Variants in TBC1D32 observed in about 807,000 individuals in gnomAD.
TBC1D32 encodes the protein TBC1 domain family member 32.
TBC1D32 carries 151 observed loss-of-function variants against 170.3 expected under a neutral mutation model. That is an observed-to-expected ratio of 0.89 (90% confidence interval 0.78 to 1.01). TBC1D32 has a LOEUF of 1.01. Ranked by LOEUF, TBC1D32 falls within the 50% of genes least tolerant of loss-of-function variation. The pLI is 0.00. For synonymous variants in TBC1D32, 498 were observed against 488.0 expected, an observed-to-expected ratio of 1.02 and a Z score of -0.27; for missense variants, 1,464 against 1,457.1, an observed-to-expected ratio of 1.00 and a Z score of -0.08.
At chr6:121,245,738 C>G (rs1440212817) in intron 17 of TBC1D32, among the ~76,000 whole-genome samples, 1 of 152,014 alleles carries the variant, frequency 6.6e-6, no homozygotes, top group Admixed American at 6.6e-5. Flanking sequence ...ACTCCCCTCC[C>G]CCCATCCCCA....
In TBC1D32 at chr6:121,242,326, C is replaced by A; in HGVS notation, c.2032G>T (p.Asp678Tyr). 1 of 1,611,878 alleles carries A rather than the reference C, an allele frequency of 6.2e-7. No homozygotes were observed. Among genetic ancestry groups the A allele is most frequent in the Non-Finnish European group, 8.5e-7 (1 of 1,179,166 alleles). The change falls in exon 18 of 32, where the codon GAT becomes TAT. Residue 678 changes from aspartate (D) to tyrosine (Y), a missense_variant. Around this residue, in one of 3 missense-constraint regions of TBC1D32, gnomAD observed 1,363 missense variants for 1,338.1 expected, o/e 1.02. Transcript: ENST00000398212. ...QESQNIMAWE[D>Y]NLLDDLLHFA... Reference sequence around the variant, plus strand: ...TGTAGTAAATCATCTAACAAATTATCTTCCCAAGCCATACTGAAATAGGTA... The same window carrying A: ...TGTAGTAAATCATCTAACAAATTATATTCCCAAGCCATACTGAAATAGGTA...
chr6:121,169,008 G>C (rs1262986144), intron 22 of TBC1D32, among the ~76,000 whole-genome samples: 1 of 152,084 alleles, frequency 6.6e-6, no homozygotes, highest in Admixed American at 6.6e-5. Flanking sequence ...GCAATTTATA[G>C]ATTCAATGCT....
intron 20 of TBC1D32, among the ~76,000 whole-genome samples, chr6:121,227,392 T>C (rs752844553): frequency 4.6e-5 from 7 of 152,156 alleles, no homozygotes; most frequent in Admixed American, 1.3e-4. Context: ...CATAATATAA[T>C]GTAAATAAAA....
chr6:121,256,850 T>C (rs1184973744), intron 15 of TBC1D32, among the ~76,000 whole-genome samples: 2 of 151,910 alleles, frequency 1.3e-5, no homozygotes, highest in African/African-American at 4.8e-5. Context: ...TTGTACTTTT[T>C]TAGTAGAGAT....
At chr6:121,162,719 G>A (rs1785895233) in intron 22 of TBC1D32, among the ~76,000 whole-genome samples, 1 of 151,930 alleles carries the variant, frequency 6.6e-6, no homozygotes, top group African/African-American at 2.4e-5. Context: ...AACATGCAGA[G>A]CCAAGATGGC....
intron 5 of TBC1D32, among the ~76,000 whole-genome samples, chr6:121,307,135 G>A (rs1807438876): frequency 6.6e-6 from 1 of 152,062 alleles, no homozygotes; most frequent in Non-Finnish European, 1.5e-5. Context: ...AGCACTTTGG[G>A]AGGCTGAGGC....
At chr6:121,300,057 T>C (rs753465049) in intron 9 of TBC1D32, among the ~76,000 whole-genome samples, 1 of 152,168 alleles carries the variant, frequency 6.6e-6, no homozygotes, top group African/African-American at 2.4e-5. Flanking sequence ...TGCATAGCAT[T>C]GTACAAAGCC....
chr6:121,178,675 T>C (rs376565323), intron 22 of TBC1D32, among the ~76,000 whole-genome samples: 1 of 152,098 alleles, frequency 6.6e-6, no homozygotes, highest in East Asian at 1.9e-4. Context: ...CTCTAACCAA[T>C]GGAGTATGGT....
chr6:121,267,044 T>C (rs117507388), intron 15 of TBC1D32, among the ~76,000 whole-genome samples: 3,547 of 150,332 alleles, frequency 0.024, 159 homozygotes, highest in East Asian at 0.12. Context: ...ACATGCATGT[T>C]CTGCACATGT....
chr6:121,328,440 C>T (rs1298822839), intron 1 of TBC1D32, among the ~76,000 whole-genome samples: 1 of 151,838 alleles, frequency 6.6e-6, no homozygotes, highest in Non-Finnish European at 1.5e-5. Flanking sequence ...TGCCCGCCAC[C>T]ACACCTGGCT....
chr6:121,223,398 C>A, intron 20 of TBC1D32, 46 bp from the exon 21 acceptor site: 2 of 1,293,484 alleles, frequency 1.5e-6, no homozygotes, highest in Admixed American at 3.9e-5. Flanking sequence ...CTTTTGTCAA[C>A]CACATCCATG....
intron 29 of TBC1D32, among the ~76,000 whole-genome samples, chr6:121,110,128 G>A (rs898613514): frequency 2.6e-5 from 4 of 151,680 alleles, no homozygotes; most frequent in African/African-American, 9.7e-5. Flanking sequence ...GCAGGCACCT[G>A]TAGTCCCAGC....
rs952854764 is a variant in TBC1D32, at chr6:121,109,691, T to C, written c.3324+2814A>G. Among the ~76,000 whole-genome samples the C allele has an allele frequency of 5.9e-5, 9 of 152,268 alleles. No individual in the cohort carries two copies. In the South Asian group the frequency reaches 1.2e-3, roughly 21 times the overall value. ...ATTGAAGATAATTTAATTAAATCAA[T>C]ACATTAAAGGGTTCTTCCGGTGTAA... On this transcript the variant is annotated intron_variant, in intron 29 of 31. Coordinates refer to ENST00000398212, the MANE Select transcript of TBC1D32 (RefSeq NM_152730.6).
chr6:121,148,075 T>C (rs750057333), intron 24 of TBC1D32, among the ~76,000 whole-genome samples: 14 of 152,216 alleles, frequency 9.2e-5, no homozygotes, highest in Non-Finnish European at 1.5e-4. Context: ...CATGGTGGTT[T>C]CCTGTACCCA....
intron 15 of TBC1D32, among the ~76,000 whole-genome samples, chr6:121,267,586 C>T (rs2128417773): frequency 6.6e-6 from 1 of 152,310 alleles, no homozygotes; most frequent in East Asian, 1.9e-4. Flanking sequence ...TCTGCCATTG[C>T]TGAGGCTTCA....
In TBC1D32 at chr6:121,080,803, C is replaced by A. The variant is rs769641525; in HGVS notation, c.3742G>T (p.Asp1248Tyr). The stretch of plus-strand genomic sequence containing the variant: ...CTCTGCAGTCTAATGTTCCGCATGT[C>A]TCTCAGCAGCACTGTTCGGTAGTTT... ...EQNYRTVLLR[D>Y]MRNIRLQST The change falls in exon 32 of 32, where the codon GAC becomes TAC. Residue 1248 changes from aspartate to tyrosine, a missense_variant. Asp to Tyr is a radical substitution (Grantham distance 160). Coordinates refer to ENST00000398212, the MANE Select transcript of TBC1D32 (RefSeq NM_152730.6). 1 of 1,613,580 alleles carries A rather than the reference C, an allele frequency of 6.2e-7. No individual in the cohort carries two copies. The highest frequency in any genetic ancestry group is 8.5e-7 in the Non-Finnish European group (1 of 1,179,748).
intron 21 of TBC1D32, among the ~76,000 whole-genome samples, chr6:121,215,520 T>C (rs117108851): frequency 1.6e-4 from 24 of 152,350 alleles, no homozygotes; most frequent in Non-Finnish European, 3.1e-4. Flanking sequence ...TGGGATCTAA[T>C]TAACTTTAAG....
intron 21 of TBC1D32, among the ~76,000 whole-genome samples, chr6:121,217,780 C>A (rs892850645): frequency 6.6e-6 from 1 of 152,020 alleles, no homozygotes; most frequent in African/African-American, 2.4e-5. Context: ...TACACATGTA[C>A]CACTGAAGCT....
chr6:121,103,006 G>C (rs1389915823), intron 30 of TBC1D32, among the ~76,000 whole-genome samples: 1 of 152,178 alleles, frequency 6.6e-6, no homozygotes, highest in Non-Finnish European at 1.5e-5. Context: ...CTGGCCATCA[G>C]AGAAATGCAA....
Sources: allele counts gnomAD v4.1 joint callset (sites outside exome capture counted in the v4.1 genomes callset), GRCh38; gene constraint gnomAD v4.1.1; regional missense constraint gnomAD v4.1.1; transcripts MANE v1.5; gene names NCBI Gene and HGNC (gene_info 2026-07-23, HGNC 2026-07-21).